The following SLC9A9 variants were observed in gnomAD, a reference collection of about 807,000 sequenced individuals.
The protein encoded by SLC9A9 is sodium/hydrogen exchanger 9.
SLC9A9 carries 62 observed loss-of-function variants against 77.8 expected under a neutral mutation model. The observed-to-expected ratio is 0.80, with a 90% CI of 0.65 to 0.98. The LOEUF (loss-of-function observed/expected upper bound fraction) is 0.98, where lower values mean the gene tolerates loss of function less well. Ranked by LOEUF, SLC9A9 falls within the 50% of genes least tolerant of loss-of-function variation. The pLI is 0.00. For missense variants in SLC9A9, 775 were observed against 774.9 expected (o/e 1.00, Z 0.00); for synonymous variants, 320 against 283.5 (o/e 1.13, Z -1.29).
intron 12 of SLC9A9, among the ~76,000 whole-genome samples, chr3:143,439,523 C>T (rs971430328): frequency 6.6e-6 from 1 of 152,158 alleles, no homozygotes; most frequent in Non-Finnish European, 1.5e-5. Flanking sequence ...AGAAGTGGGA[C>T]AAGAAGAGCA....
chr3:143,631,843 A>G (rs2038428135), intron 6 of SLC9A9, among the ~76,000 whole-genome samples: 1 of 152,192 alleles, frequency 6.6e-6, no homozygotes, highest in South Asian at 2.1e-4. Context: ...CAATAAATTT[A>G]TATTTTTCTA....
intron 6 of SLC9A9, among the ~76,000 whole-genome samples, chr3:143,629,027 G>A (rs1325350466): frequency 6.6e-6 from 1 of 152,146 alleles, no homozygotes; most frequent in Non-Finnish European, 1.5e-5. Context: ...TCTTTTTGGG[G>A]TAAATTATGA....
intron 14 of SLC9A9, among the ~76,000 whole-genome samples, chr3:143,334,120 G>C (rs1206136110): frequency 5.3e-5 from 8 of 152,098 alleles, no homozygotes; most frequent in Non-Finnish European, 1.2e-4. Flanking sequence ...TGGAATTCTT[G>C]TTGTTTTTAA....
At chr3:143,616,130 G>C (rs552341618) in intron 6 of SLC9A9, among the ~76,000 whole-genome samples, 14 of 152,148 alleles carry the variant, frequency 9.2e-5, no homozygotes, top group African/African-American at 3.1e-4. Context: ...TGATCCGCCC[G>C]CCTCGGCCTC....
intron 12 of SLC9A9, among the ~76,000 whole-genome samples, chr3:143,402,373 A>G (rs2033881084): frequency 6.6e-6 from 1 of 152,102 alleles, no homozygotes; most frequent in Non-Finnish European, 1.5e-5. Context: ...GTGAACTTGA[A>G]ATCTGCAAAT....
chr3:143,448,871 TA>T (rs1311773193), intron 12 of SLC9A9, among the ~76,000 whole-genome samples: 14 of 34,810 alleles, frequency 4.0e-4, no homozygotes, highest in Admixed American at 1.3e-3. Flanking sequence ...ATATATTATA[TA>T]ATATGATATA....
intron 11 of SLC9A9, among the ~76,000 whole-genome samples, chr3:143,482,916 G>A (rs2035596161): frequency 6.6e-6 from 1 of 152,188 alleles, no homozygotes. Flanking sequence ...ATGCTCAAGG[G>A]CAAGAGGAAC....
At chr3:143,721,359 C>T (rs1308755968) in intron 4 of SLC9A9, among the ~76,000 whole-genome samples, 1 of 151,898 alleles carries the variant, frequency 6.6e-6, no homozygotes, top group Non-Finnish European at 1.5e-5. Context: ...GCCAGAAACC[C>T]CTCATGTGGG....
chr3:143,445,315 T>C (rs2034823284), intron 12 of SLC9A9, among the ~76,000 whole-genome samples: 1 of 152,204 alleles, frequency 6.6e-6, no homozygotes, highest in South Asian at 2.1e-4. Flanking sequence ...ATGGTCTCAC[T>C]GAAGCCACAT....
rs755233091 is a variant in SLC9A9 at position 143,848,284 on chromosome 3, C to T, written c.39G>A (p.Glu13=). 4 of 1,614,010 alleles carry T rather than the reference C, an allele frequency of 2.5e-6. No homozygotes were observed. The highest frequency in any genetic ancestry group is 1.7e-5 in the Admixed American group (1 of 60,004). ...CCGCTCCCTGATGTTGAAACTGATA[C>T]TCATCCTTTTCTGACATAACCCTTG... ...RQSRVMSEKD[E]YQFQHQGAVE... Residue 13 remains glutamate (E), a synonymous_variant, in exon 1 of 16, where the codon GAG becomes GAA. Coordinates refer to ENST00000316549, the MANE Select transcript of SLC9A9 (RefSeq NM_173653.4).
chr3:143,395,668 A>G (rs1401493308), intron 12 of SLC9A9, among the ~76,000 whole-genome samples: 2 of 152,242 alleles, frequency 1.3e-5, no homozygotes, highest in Admixed American at 1.3e-4. Context: ...GGCAACCTAC[A>G]GAATGGGAGA....
intron 9 of SLC9A9, chr3:143,517,839 G>A: frequency 8.1e-6 from 13 of 1,601,182 alleles, no homozygotes; most frequent in African/African-American, 1.3e-5. Flanking sequence ...ATGGCTTTCT[G>A]GAGTTCACCA....
At chr3:143,749,150 T>G (rs1935274844) in intron 4 of SLC9A9, among the ~76,000 whole-genome samples, 1 of 152,218 alleles carries the variant, frequency 6.6e-6, no homozygotes, top group African/African-American at 2.4e-5. Flanking sequence ...GTTTATATAT[T>G]TGCATAATAT....
chr3:143,614,158 A>C (rs573463457), intron 6 of SLC9A9, among the ~76,000 whole-genome samples: 1 of 152,158 alleles, frequency 6.6e-6, no homozygotes, highest in Non-Finnish European at 1.5e-5. Flanking sequence ...GACTTCACCA[A>C]GGCAGGCAAT....
intron 6 of SLC9A9, among the ~76,000 whole-genome samples, chr3:143,620,095 T>G (rs1256562658): frequency 6.6e-6 from 1 of 152,142 alleles, no homozygotes; most frequent in East Asian, 1.9e-4. Context: ...CCTCCATGAG[T>G]GATGCTATAG....
At chr3:143,405,393 G>A (rs994922960) in intron 12 of SLC9A9, among the ~76,000 whole-genome samples, 4 of 152,180 alleles carry the variant, frequency 2.6e-5, no homozygotes, top group South Asian at 2.1e-4. Flanking sequence ...TCGGGGAGAG[G>A]ATGGTGGGTC....
intron 4 of SLC9A9, among the ~76,000 whole-genome samples, chr3:143,763,020 G>C (rs2007187510): frequency 1.3e-5 from 2 of 152,100 alleles, no homozygotes; most frequent in African/African-American, 4.8e-5. Context: ...GACTCCATTT[G>C]TGAAAAAGAG....
At chr3:143,464,426 G>A (rs1314292771) in intron 12 of SLC9A9, among the ~76,000 whole-genome samples, 5 of 152,224 alleles carry the variant, frequency 3.3e-5, no homozygotes, top group Non-Finnish European at 5.9e-5. Context: ...TATACACACA[G>A]TGACATAGTT....
At chr3:143,609,899 A>G (rs1483369564) in intron 6 of SLC9A9, among the ~76,000 whole-genome samples, 1 of 146,488 alleles carries the variant, frequency 6.8e-6, no homozygotes, top group Non-Finnish European at 1.5e-5. Flanking sequence ...TGTTTTATAA[A>G]TAATGTTACA....
Sources: allele counts gnomAD v4.1 joint callset (sites outside exome capture counted in the v4.1 genomes callset), GRCh38; gene constraint gnomAD v4.1.1; transcripts MANE v1.5; gene names NCBI Gene and HGNC (gene_info 2026-07-23, HGNC 2026-07-21).